MYT1L: variants seen among roughly 807,000 people sequenced by gnomAD.
MYT1L encodes the protein myelin transcription factor 1 like.
In MYT1L, 12 loss-of-function variants were observed where a neutral mutation model predicts 126.7. The ratio of observed to expected loss-of-function variants is 0.09; its 90% confidence interval spans 0.06 to 0.15. The LOEUF is 0.15. MYT1L is among the 10% of genes least tolerant of loss of function. MYT1L has a pLI of 1.00. For synonymous variants in MYT1L, 541 were observed against 604.2 expected (o/e 0.90, Z 1.53); for missense variants, 979 against 1,585.2 (o/e 0.62, Z 6.49).
chr2:1,985,620 A>G (rs1558632861), intron 5 of MYT1L, among the ~76,000 whole-genome samples: 1 of 152,246 alleles, frequency 6.6e-6, no homozygotes, highest in Non-Finnish European at 1.5e-5. Context: ...ACGTATTATC[A>G]TGAAACCCTA....
At chr2:2,304,407 A>G (rs1246636386) in intron 1 of MYT1L, among the ~76,000 whole-genome samples, 1 of 152,204 alleles carries the variant, frequency 6.6e-6, no homozygotes, top group African/African-American at 2.4e-5. Flanking sequence ...GGGAAGAGTA[A>G]CATCAGTTGT....
chr2:2,169,260 G>A (rs924175523), intron 3 of MYT1L, among the ~76,000 whole-genome samples: 1 of 152,108 alleles, frequency 6.6e-6, no homozygotes, highest in East Asian at 1.9e-4. Flanking sequence ...AGCTCCTTGG[G>A]CAGTGTGGTA....
At position 1,892,039 on chromosome 2, in the gene MYT1L, G is replaced by A. The variant is rs1373407149; in HGVS notation, c.2281C>T (p.Arg761Trp). Residue 761 changes from arginine (R) to tryptophan (W), a missense_variant and splice_region_variant, in exon 15 of 25, where the codon CGG becomes TGG. By Grantham distance (101) the Arg-to-Trp change is moderately radical. This residue lies in a region of MYT1L where 141 missense variants were observed against 170.6 expected (regional missense o/e 0.83). Transcript: ENST00000647738. Reference protein sequence around the residue: ...STKPQDLCATRNPDMEVDENG... With the variant: ...STKPQDLCATWNPDMEVDENG... ...TCCACCTGCCCAGGCGCGCGTACCCGCGTGGCGCACAGGTCCTGCGGCTTG... is the reference window on the plus strand; with the variant it reads ...TCCACCTGCCCAGGCGCGCGTACCCACGTGGCGCACAGGTCCTGCGGCTTG... The A allele has an allele frequency of 3.9e-6, 6 of 1,526,652 alleles. No individual in the cohort carries two copies. The highest frequency in any genetic ancestry group is 2.6e-6 in the Non-Finnish European group (3 of 1,138,094). 94.6% of individuals were successfully genotyped at this position (1,526,652 alleles called of 1,614,324 possible).
At chr2:2,174,756 T>C (rs1031490334) in intron 2 of MYT1L, among the ~76,000 whole-genome samples, 2 of 152,100 alleles carry the variant, frequency 1.3e-5, no homozygotes, top group South Asian at 4.1e-4. Flanking sequence ...AATATAACTA[T>C]TCATCAAATG....
chr2:2,045,105 T>C (rs2068017718), intron 4 of MYT1L, among the ~76,000 whole-genome samples: 1 of 152,262 alleles, frequency 6.6e-6, no homozygotes, highest in Admixed American at 6.5e-5. Flanking sequence ...ACTGAAGGAA[T>C]GAAGGCTTGA....
chr2:1,867,835 T>C (rs1204250517), intron 18 of MYT1L, among the ~76,000 whole-genome samples: 1 of 152,224 alleles, frequency 6.6e-6, no homozygotes, highest in Non-Finnish European at 1.5e-5. Flanking sequence ...ATTAATTTGT[T>C]TCCCCAAAAC....
At chr2:2,160,154 G>A (rs1310950567) in intron 3 of MYT1L, among the ~76,000 whole-genome samples, 3 of 152,166 alleles carry the variant, frequency 2.0e-5, no homozygotes, top group African/African-American at 7.2e-5. Flanking sequence ...CACACTCATT[G>A]CATGTTAGTT....
At chr2:2,085,778 T>C (rs1001839096) in intron 3 of MYT1L, among the ~76,000 whole-genome samples, 3 of 152,220 alleles carry the variant, frequency 2.0e-5, no homozygotes, top group Non-Finnish European at 4.4e-5. Context: ...CTGAAGCAGC[T>C]TGGCTTCCAC....
chr2:2,187,418 C>G (rs899533376), intron 2 of MYT1L, among the ~76,000 whole-genome samples: 1 of 151,944 alleles, frequency 6.6e-6, no homozygotes, highest in Non-Finnish European at 1.5e-5. Context: ...GTCAACACAA[C>G]CATCAGGCCT....
rs566704255 is a variant in MYT1L, at chr2:1,991,304, ATCTTTT to A, written c.-1+5881_-1+5886del. Among the ~76,000 whole-genome samples the A allele has an allele frequency of 1.8e-4, 27 of 152,024 alleles. No individual in the cohort carries two copies. The South Asian group carries it at 5.4e-3, about 31-fold the overall frequency. ...CCCCCTCTTGTGAGGGTCTCGCTGT[ATCTTTT>A]TCTTTTCTTTTTGGAGACTCTGCTA... On this transcript the variant is annotated intron_variant, in intron 5 of 24. Coordinates refer to ENST00000647738, the MANE Select transcript of MYT1L (RefSeq NM_001303052.2).
At chr2:2,114,506 C>T in intron 3 of MYT1L, among the ~76,000 whole-genome samples, 1 of 152,238 alleles carries the variant, frequency 6.6e-6, no homozygotes, top group East Asian at 1.9e-4. Context: ...CTGTCATGAA[C>T]ACCTTCCTTT....
chr2:2,036,718 C>T (rs1165683617), intron 4 of MYT1L, among the ~76,000 whole-genome samples: 1 of 152,216 alleles, frequency 6.6e-6, no homozygotes, highest in Admixed American at 6.5e-5. Flanking sequence ...GCTCACCTGA[C>T]TAATGCAGCT....
At chr2:1,847,938 G>C (rs566323152) in intron 19 of MYT1L, among the ~76,000 whole-genome samples, 1 of 152,306 alleles carries the variant, frequency 6.6e-6, no homozygotes, top group South Asian at 2.1e-4. Flanking sequence ...TCTCTAGGTG[G>C]TTTAGGCACA....
At chr2:2,004,052 T>C (rs938161358) in intron 4 of MYT1L, among the ~76,000 whole-genome samples, 4 of 150,344 alleles carry the variant, frequency 2.7e-5, no homozygotes, top group Non-Finnish European at 5.9e-5. Flanking sequence ...CTTTCCTGCA[T>C]ACTTTCCTGC....
intron 4 of MYT1L, among the ~76,000 whole-genome samples, chr2:2,024,926 G>A (rs1313092452): frequency 1.3e-5 from 2 of 152,226 alleles, no homozygotes; most frequent in Non-Finnish European, 2.9e-5. Flanking sequence ...CCGCGTGGAC[G>A]CGTTCCGCCT....
intron 3 of MYT1L, among the ~76,000 whole-genome samples, chr2:2,090,964 T>C (rs1229961036): frequency 1.3e-5 from 2 of 152,344 alleles, no homozygotes; most frequent in East Asian, 3.9e-4. Flanking sequence ...ACTCCACTTC[T>C]AATTTTAGTT....
chr2:2,322,575 AT>A (rs1156516146), intron 1 of MYT1L, among the ~76,000 whole-genome samples: 1 of 151,788 alleles, frequency 6.6e-6, no homozygotes, highest in African/African-American at 2.4e-5. Context: ...GGAGACTAAT[AT>A]GACACAATTT....
intron 1 of MYT1L, among the ~76,000 whole-genome samples, chr2:2,289,175 T>G (rs2095563612): frequency 6.6e-6 from 1 of 152,310 alleles, no homozygotes; most frequent in Admixed American, 6.5e-5. Context: ...CCCTTAACCC[T>G]GAGAAAATCC....
At chr2:2,294,172 G>T (rs956711251) in intron 1 of MYT1L, among the ~76,000 whole-genome samples, 1 of 152,204 alleles carries the variant, frequency 6.6e-6, no homozygotes, top group Non-Finnish European at 1.5e-5. Context: ...CGAGAGACAA[G>T]CATGGTTGGT....
Sources: allele counts gnomAD v4.1 joint callset (sites outside exome capture counted in the v4.1 genomes callset), GRCh38; gene constraint gnomAD v4.1.1; regional missense constraint gnomAD v4.1.1; transcripts MANE v1.5; gene names NCBI Gene and HGNC (gene_info 2026-07-23, HGNC 2026-07-21).